Variants in KCNK5 observed in about 807,000 individuals in gnomAD.
KCNK5 encodes potassium two pore domain channel subfamily K member 5.
KCNK5 carries 18 observed loss-of-function variants against 32.9 expected under a neutral mutation model. That is an observed-to-expected ratio of 0.55 (90% CI 0.38 to 0.81). KCNK5 has a LOEUF of 0.81. KCNK5 is among the 30% of genes least tolerant of loss of function. The probability of loss-of-function intolerance (pLI) is 0.00; values close to 1 mark genes in which losing one functional copy is unlikely to be tolerated. For missense variants in KCNK5, 507 were observed against 651.0 expected, an observed-to-expected ratio of 0.78 and a Z score of 2.41; for synonymous variants, 276 against 275.3, an observed-to-expected ratio of 1.00 and a Z score of -0.03.
At chr6:39,225,094 G>A (rs767148050) in intron 1 of KCNK5, among the ~76,000 whole-genome samples, 2 of 151,868 alleles carry the variant, frequency 1.3e-5, no homozygotes, top group African/African-American at 4.8e-5. Context: ...CCAGACCCTC[G>A]TTAAGCGACC....
In KCNK5 at chr6:39,190,897, C is replaced by A; in HGVS notation, c.1493G>T (p.Gly498Val). 6.8e-7 allele frequency: 1 copy of A among 1,471,166 alleles called. No homozygotes were observed. 91.1% of individuals were successfully genotyped at this position (1,471,166 alleles called of 1,614,324 possible). Residue 498 changes from glycine (G) to valine (V), a missense_variant, in exon 5 of 5, where the codon GGC becomes GTC. Physicochemically the swap from Gly to Val is moderately radical, Grantham distance 109. Transcript: ENST00000359534. Reference sequence around the variant, plus strand: ...TGGGGAGCCGGCCCTGCCTCATGTGCCCTTGGGGCTGTTAGCCTTGTTGTA... The same window carrying A: ...TGGGGAGCCGGCCCTGCCTCATGTGACCTTGGGGCTGTTAGCCTTGTTGTA... The part of the protein sequence containing the change: ...NEYNKANSPK[G>V]T
chr6:39,207,230 C>T (rs920539957), intron 1 of KCNK5, among the ~76,000 whole-genome samples: 2 of 152,240 alleles, frequency 1.3e-5, no homozygotes, highest in African/African-American at 4.8e-5. Flanking sequence ...TCCCGCTCCT[C>T]ACCTCACTGC....
chr6:39,196,345 T>C (rs751933), intron 1 of KCNK5, among the ~76,000 whole-genome samples: 74,014 of 152,050 alleles, frequency 0.49, 18,778 homozygotes, highest in East Asian at 0.76. Flanking sequence ...TTTCTAAACA[T>C]GTTCCCAGGT....
intron 1 of KCNK5, among the ~76,000 whole-genome samples, chr6:39,217,118 CAAAAAAAAAAAAAAAA>C (rs57204833): frequency 1.3e-5 from 1 of 74,446 alleles, no homozygotes; most frequent in Non-Finnish European, 2.7e-5. Flanking sequence ...AAAACTCCAT[CAAAAAAAAAAAAAAAA>C]AAAAAAAAAG....
chr6:39,197,216 C>T (rs1365208728), intron 1 of KCNK5, among the ~76,000 whole-genome samples: 2 of 152,184 alleles, frequency 1.3e-5, no homozygotes, highest in Non-Finnish European at 1.5e-5. Context: ...CAAAAAAAAC[C>T]TTGTTTCTAA....
intron 1 of KCNK5, among the ~76,000 whole-genome samples, chr6:39,215,006 A>C (rs1771407466): frequency 6.6e-6 from 1 of 152,176 alleles, no homozygotes; most frequent in South Asian, 2.1e-4. Flanking sequence ...TTATTGAACA[A>C]GTGCTTAGCT....
chr6:39,217,203 G>C (rs1276962541), intron 1 of KCNK5, among the ~76,000 whole-genome samples: 1 of 150,938 alleles, frequency 6.6e-6, no homozygotes, highest in Non-Finnish European at 1.5e-5. Context: ...CCTCTCCTCT[G>C]TTAGGAGCTG....
intron 1 of KCNK5, among the ~76,000 whole-genome samples, chr6:39,200,772 C>T (rs775770940): frequency 3.9e-5 from 6 of 152,252 alleles, no homozygotes; most frequent in Admixed American, 2.6e-4. Context: ...CCCCACCTTC[C>T]CAGGTGCTCA....
At chr6:39,210,136 C>T (rs1771306004) in intron 1 of KCNK5, among the ~76,000 whole-genome samples, 1 of 152,140 alleles carries the variant, frequency 6.6e-6, no homozygotes, top group Admixed American at 6.5e-5. Flanking sequence ...GCATCCTGTC[C>T]CCCTGTGAAC....
In KCNK5 at chr6:39,191,575, T is replaced by C. The variant is rs777436456; in HGVS notation, c.815A>G (p.His272Arg). The C allele has an allele frequency of 1.2e-6, 2 of 1,613,440 alleles. No individual in the cohort carries two copies. The highest frequency in any genetic ancestry group is 1.3e-5 in the African/African-American group (1 of 74,738). ...RRKESFESSPHSRKALQVKGS... is the reference protein window; with the variant it reads ...RRKESFESSPRSRKALQVKGS... ...CTTCACCTGCAGGGCCTTCCGGGAG[T>C]GTGGGGAGCTCTCAAAGGACTCCTT... Residue 272 changes from histidine (H) to arginine (R), a missense_variant, in exon 5 of 5, where the codon CAC becomes CGC. Transcript: ENST00000359534. This position sits in a 1 kb window ranked among gnomAD's most constrained non-coding sequence, Gnocchi z 5.8.
chr6:39,193,115 G>A (rs958399331), intron 4 of KCNK5, among the ~76,000 whole-genome samples: 9 of 116,188 alleles, frequency 7.7e-5, no homozygotes, highest in Non-Finnish European at 1.4e-4. Context: ...TTTTACAGAA[G>A]AGAAAGCTGA....
rs770272455 is a variant in KCNK5, at chr6:39,194,283, G to C, written c.520C>G (p.His174Asp). 1 of 1,614,034 alleles carries C rather than the reference G, an allele frequency of 6.2e-7. No individual in the cohort carries two copies. The highest frequency in any genetic ancestry group is 8.5e-7 in the Non-Finnish European group (1 of 1,179,956). The change falls in exon 4 of 5, where the codon CAC becomes GAC. Residue 174 changes from histidine to aspartate, a missense_variant. This residue lies in a region of KCNK5 where 22 missense variants were observed against 19.8 expected (regional missense o/e 1.11). Transcript: ENST00000359534. The surrounding 1 kb of genome is among the most constrained non-coding windows in gnomAD (Gnocchi z 4.7). ...AATACGAAGGGTGGGATCACCAGGT[G>C]GACTAGGACGCCCCACACGATGAAG... ...VIFIVWGVLV[H>D]LVIPPFVFMV...
At chr6:39,192,835 T>C (rs1179022241) in intron 4 of KCNK5, among the ~76,000 whole-genome samples, 1 of 152,116 alleles carries the variant, frequency 6.6e-6, no homozygotes, top group East Asian at 1.9e-4. Context: ...ATTTGCCCCC[T>C]CGACTAGATA....
In KCNK5 at chr6:39,191,442, G is replaced by A. The variant is rs748043000; in HGVS notation, c.948C>T (p.Ser316=). 7 of 1,607,136 alleles carry A rather than the reference G, an allele frequency of 4.4e-6. No homozygotes were observed. The highest frequency in any genetic ancestry group is 2.7e-5 in the African/African-American group (2 of 74,712). ...GGCCCGGGCCCGTCTCCCCACCCCC[G>A]CTTGTCTTCATGGCCTTCTTCCCGA... ...KQIGKKAMKT[S]GGGETGPGPG... The change falls in exon 5 of 5, where the codon AGC becomes AGT. Residue 316 remains serine, a synonymous_variant. Coordinates refer to ENST00000359534, the MANE Select transcript of KCNK5 (RefSeq NM_003740.4). The surrounding 1 kb of genome is among the most constrained non-coding windows in gnomAD (Gnocchi z 5.8).
chr6:39,204,389 T>A (rs548591084), intron 1 of KCNK5, among the ~76,000 whole-genome samples: 1 of 152,202 alleles, frequency 6.6e-6, no homozygotes, highest in Non-Finnish European at 1.5e-5. Flanking sequence ...AATGAGGAGG[T>A]TGGACTATGA....
intron 1 of KCNK5, among the ~76,000 whole-genome samples, chr6:39,214,559 G>A (rs1035338735): frequency 6.6e-6 from 1 of 152,172 alleles, no homozygotes; most frequent in African/African-American, 2.4e-5. Context: ...AAAGGAGAGA[G>A]AGAAACACGG....
At chr6:39,192,206 C>A (rs1304197667) in intron 4 of KCNK5, among the ~76,000 whole-genome samples, 1 of 136,074 alleles carries the variant, frequency 7.3e-6, no homozygotes, top group Non-Finnish European at 1.5e-5. Context: ...CTGCTTGAAC[C>A]CGGGAGGCAG....
chr6:39,198,922 G>GTCTGGAACATCATCCT (rs1771076946), intron 1 of KCNK5, among the ~76,000 whole-genome samples: 2 of 152,178 alleles, frequency 1.3e-5, no homozygotes, highest in Non-Finnish European at 2.9e-5. Flanking sequence ...TCCATCAAGG[G>GTCTGGAACATCATCCT]TGTTGTGGAA....
chr6:39,205,603 C>T (rs1173101780), intron 1 of KCNK5, among the ~76,000 whole-genome samples: 2 of 152,184 alleles, frequency 1.3e-5, no homozygotes, highest in East Asian at 3.9e-4. Flanking sequence ...TCTCTGCCCC[C>T]AGAGTTCAGA....
Sources: gnomAD v4.1 joint callset for allele counts (sites outside exome capture counted in the v4.1 genomes callset) on GRCh38, gnomAD v4.1.1 for gene constraint, gnomAD v4.1.1 regional missense constraint, Gnocchi (gnomAD v3.1) non-coding constraint, MANE v1.5 for transcripts, NCBI Gene and HGNC (gene_info 2026-07-23, HGNC 2026-07-21) for gene names.